IL1RAPL1: variants seen among roughly 807,000 people sequenced by gnomAD.
The protein encoded by IL1RAPL1 is interleukin 1 receptor accessory protein like 1, also known as interleukin-1 receptor accessory protein-like 1.
In IL1RAPL1, 3 loss-of-function variants were observed where a neutral mutation model predicts 48.4. The ratio of observed to expected loss-of-function variants is 0.06; its 90% confidence interval spans 0.03 to 0.16. The LOEUF (loss-of-function observed/expected upper bound fraction) is 0.16. IL1RAPL1 is among the 10% of genes least tolerant of loss of function. IL1RAPL1 has a pLI of 1.00. For missense variants in IL1RAPL1, 349 were observed against 530.6 expected (o/e 0.66, Z 3.36); for synonymous variants, 185 against 187.7 (o/e 0.99, Z 0.12).
intron 3 of IL1RAPL1, among the ~76,000 whole-genome samples, chrX:29,368,031 G>C (rs2147664526): frequency 9.1e-6 from 1 of 110,390 alleles, no homozygotes; most frequent in East Asian, 2.8e-4. Context: ...CATATCTGTG[G>C]GTTCTGCAAT....
At chrX:29,404,185 C>A (rs2147692164) in intron 5 of IL1RAPL1, among the ~76,000 whole-genome samples, 1 of 111,901 alleles carries the variant, frequency 8.9e-6, no homozygotes, top group African/African-American at 3.2e-5. Context: ...AGTTTCACTG[C>A]CCTAAAAAAG....
intron 5 of IL1RAPL1, among the ~76,000 whole-genome samples, chrX:29,468,221 CTT>C (rs1306235497): frequency 4.4e-5 from 5 of 112,499 alleles, no homozygotes; most frequent in Non-Finnish European, 7.5e-5. Context: ...TATTACAAAA[CTT>C]TAACTTTTTA....
chrX:29,522,135 CATTTATTTTTA>C (rs1282127998), intron 5 of IL1RAPL1, among the ~76,000 whole-genome samples: 3 of 111,584 alleles, frequency 2.7e-5, no homozygotes, highest in African/African-American at 3.3e-5. Flanking sequence ...CTTGACCATT[CATTTATTTTTA>C]ATTTATTTTT....
At chrX:28,927,394 T>A (rs976918139) in intron 2 of IL1RAPL1, among the ~76,000 whole-genome samples, 1 of 112,103 alleles carries the variant, frequency 8.9e-6, no homozygotes, top group African/African-American at 3.2e-5. Flanking sequence ...TCTGCTGTTT[T>A]CTAACTTTAA....
chrX:29,109,822 T>C (rs2147469433), intron 2 of IL1RAPL1, among the ~76,000 whole-genome samples: 1 of 112,297 alleles, frequency 8.9e-6, no homozygotes, highest in African/African-American at 3.2e-5. Context: ...AAACACTGGC[T>C]TGGGGAAAAC....
intron 1 of IL1RAPL1, among the ~76,000 whole-genome samples, chrX:28,628,348 C>T (rs769299758): frequency 2.0e-4 from 23 of 112,238 alleles, no homozygotes; most frequent in Non-Finnish European, 3.6e-4. Flanking sequence ...TTCAAAATCA[C>T]ATTGCAAAGT....
At chrX:29,647,002 A>G (rs1305918185) in intron 5 of IL1RAPL1, among the ~76,000 whole-genome samples, 1 of 112,264 alleles carries the variant, frequency 8.9e-6, no homozygotes, top group Admixed American at 9.4e-5. Flanking sequence ...TGAGTAACAC[A>G]AAAACATTTG....
intron 5 of IL1RAPL1, among the ~76,000 whole-genome samples, chrX:29,572,805 C>T (rs868373842): frequency 8.9e-6 from 1 of 112,233 alleles, no homozygotes; most frequent in Non-Finnish European, 1.9e-5. Flanking sequence ...GTAGAAAATA[C>T]TATGACAGCA....
At chrX:28,948,766 T>C (rs1241155987) in intron 2 of IL1RAPL1, among the ~76,000 whole-genome samples, 1 of 111,272 alleles carries the variant, frequency 9.0e-6, no homozygotes, top group Non-Finnish European at 1.9e-5. Context: ...CTTCAGTGGA[T>C]GCTTGAAACC....
chrX:29,395,297 A>G (rs1602212988), intron 3 of IL1RAPL1, among the ~76,000 whole-genome samples: 1 of 111,836 alleles, frequency 8.9e-6, no homozygotes, highest in East Asian at 2.8e-4. Flanking sequence ...TATTTACCAA[A>G]TGGGAAGTTC....
chrX:29,295,998 C>T, intron 3 of IL1RAPL1, among the ~76,000 whole-genome samples: 1 of 111,486 alleles, frequency 9.0e-6, no homozygotes, highest in East Asian at 2.8e-4. Context: ...AATTGATTTC[C>T]CTAAGAGAAA....
intron 5 of IL1RAPL1, among the ~76,000 whole-genome samples, chrX:29,597,863 C>G (rs2147060338): frequency 8.9e-6 from 1 of 112,254 alleles, no homozygotes; most frequent in Non-Finnish European, 1.9e-5. Context: ...TCTGTGGTAT[C>G]AGTAGTAATA....
intron 2 of IL1RAPL1, among the ~76,000 whole-genome samples, chrX:28,920,365 C>A (rs1035891399): frequency 8.9e-6 from 1 of 111,742 alleles, no homozygotes; most frequent in Non-Finnish European, 1.9e-5. Flanking sequence ...ATGACAGTTT[C>A]AATGATGTGG....
chrX:28,893,293 T>C (rs951697310), intron 2 of IL1RAPL1, among the ~76,000 whole-genome samples: 12 of 111,644 alleles, frequency 1.1e-4, no homozygotes, highest in African/African-American at 3.9e-4. Context: ...CAGTCCTTTT[T>C]AAGTTGGTGG....
At position 29,519,269 on chromosome X, in the gene IL1RAPL1, C is replaced by T. The variant is rs374786589; in HGVS notation, c.703+119961C>T. Among the ~76,000 whole-genome samples the T allele has an allele frequency of 9.0e-5, 10 of 111,411 alleles. No individual in the cohort carries two copies. In the East Asian group the frequency reaches 2.3e-3, roughly 25 times the overall value. On this transcript the variant is annotated intron_variant, in intron 5 of 10. Transcript: ENST00000378993. ...CCTGGAATTCAGCGAAAGGACCGTG[C>T]GAGAGGTCCAAATTTTCTCTTATAT...
intron 6 of IL1RAPL1, among the ~76,000 whole-genome samples, chrX:29,701,830 A>T (rs1290534588): frequency 2.7e-5 from 3 of 111,449 alleles, no homozygotes; most frequent in African/African-American, 3.3e-5. Flanking sequence ...AGAGAGAAAG[A>T]GTGAGAATAA....
intron 5 of IL1RAPL1, among the ~76,000 whole-genome samples, chrX:29,652,299 C>G (rs2147092318): frequency 8.9e-6 from 1 of 111,883 alleles, no homozygotes; most frequent in African/African-American, 3.2e-5. Flanking sequence ...AAGTTACAAT[C>G]TGGCCTCTTA....
At chrX:29,593,158 G>A (rs895635061) in intron 5 of IL1RAPL1, among the ~76,000 whole-genome samples, 7 of 111,241 alleles carry the variant, frequency 6.3e-5, no homozygotes, top group African/African-American at 1.6e-4. Flanking sequence ...CTTGGTTGTC[G>A]TATTAGCCTG....
intron 5 of IL1RAPL1, among the ~76,000 whole-genome samples, chrX:29,598,817 G>C (rs1923632202): frequency 9.0e-6 from 1 of 111,713 alleles, no homozygotes; most frequent in Non-Finnish European, 1.9e-5. Context: ...TTGCTTCAAA[G>C]TTTGTTTTGT....
Sources: gnomAD v4.1 joint callset for allele counts (sites outside exome capture counted in the v4.1 genomes callset) on GRCh38, gnomAD v4.1.1 for gene constraint, MANE v1.5 for transcripts, NCBI Gene and HGNC (gene_info 2026-07-23, HGNC 2026-07-21) for gene names.